The following OPN3 variants were observed in gnomAD, a reference collection of about 807,000 sequenced individuals.
OPN3 encodes opsin-3.
In OPN3, 29 loss-of-function variants were observed where a neutral mutation model predicts 33.8. The observed-to-expected ratio is 0.86, with a 90% CI of 0.64 to 1.17. The LOEUF is 1.17. Ranked by LOEUF, OPN3 falls within the 50% of genes most tolerant of loss-of-function variation. OPN3 has a pLI of 0.00. For missense variants in OPN3, 437 were observed against 514.1 expected (o/e 0.85, Z 1.45); for synonymous variants, 216 against 216.1 (o/e 1.00, Z 0.00).
chr1:241,639,869 C>T lies in OPN3; in HGVS notation c.373+13G>A, dbSNP rs777604266. Reference sequence around the variant, plus strand: ...TTGCAGAGGGGAGGCTGCCTTCTCCCAGTCCAACTCACCGAAGAGGCTGCC... The same window carrying T: ...TTGCAGAGGGGAGGCTGCCTTCTCCTAGTCCAACTCACCGAAGAGGCTGCC... On this transcript the variant is annotated intron_variant, in intron 1 of 3. Coordinates refer to ENST00000366554, the MANE Select transcript of OPN3 (RefSeq NM_014322.3). The T allele has an allele frequency of 1.3e-6, 2 of 1,537,830 alleles. No homozygotes were observed. The highest frequency in any genetic ancestry group is 5.0e-5 in the East Asian group (2 of 40,158).
chr1:241,620,751 G>A (rs774062293), intron 1 of OPN3, among the ~76,000 whole-genome samples: 8 of 151,712 alleles, frequency 5.3e-5, no homozygotes, highest in Admixed American at 2.0e-4. Context: ...TTTCTCATAC[G>A]AAGTCTTGGA....
intron 2 of OPN3, among the ~76,000 whole-genome samples, chr1:241,599,685 T>A (rs1440984674): frequency 6.6e-6 from 1 of 152,130 alleles, no homozygotes; most frequent in African/African-American, 2.4e-5. Context: ...TGATAAAAGG[T>A]CTAGATTTGG....
chr1:241,617,670 A>G (rs1664169784), intron 1 of OPN3, among the ~76,000 whole-genome samples: 2 of 152,246 alleles, frequency 1.3e-5, no homozygotes, highest in African/African-American at 4.8e-5. Context: ...TTCTCTCAAG[A>G]ATGAATATCA....
intron 1 of OPN3, chr1:241,634,915 AAAGAC>A: frequency 6.2e-7 from 1 of 1,611,316 alleles, no homozygotes. Flanking sequence ...CCTTGCTATT[AAAGAC>A]ATCTGCTCTG....
intron 1 of OPN3, among the ~76,000 whole-genome samples, chr1:241,624,556 C>T (rs1378503500): frequency 6.6e-6 from 1 of 152,196 alleles, no homozygotes; most frequent in Non-Finnish European, 1.5e-5. Context: ...GTTAATTGTG[C>T]ATCAATGTCA....
At chr1:241,602,950 A>G (rs889158154) in intron 2 of OPN3, among the ~76,000 whole-genome samples, 24 of 152,230 alleles carry the variant, frequency 1.6e-4, no homozygotes, top group African/African-American at 5.3e-4. Flanking sequence ...AGAGTCACCA[A>G]TGGTTCTTTG....
At chr1:241,630,232 A>C (rs1474184506) in intron 1 of OPN3, 1 of 152,022 alleles carries the variant, frequency 6.6e-6, no homozygotes, top group Non-Finnish European at 1.5e-5. Flanking sequence ...GGTTTTCAAA[A>C]AAACTCCCCA....
chr1:241,625,561 G>C (rs1664396828), intron 1 of OPN3, among the ~76,000 whole-genome samples: 1 of 152,134 alleles, frequency 6.6e-6, no homozygotes, highest in African/African-American at 2.4e-5. Flanking sequence ...AACTGGGGCA[G>C]GATGAAAAAT....
intron 1 of OPN3, among the ~76,000 whole-genome samples, chr1:241,606,706 A>G (rs1209052651): frequency 6.6e-6 from 1 of 152,202 alleles, no homozygotes; most frequent in Non-Finnish European, 1.5e-5. Flanking sequence ...TAAAATCGTG[A>G]GCTTCCTGGA....
At chr1:241,630,839 GT>G (rs1398855400) in intron 1 of OPN3, 2 of 151,978 alleles carry the variant, frequency 1.3e-5, no homozygotes, top group East Asian at 3.8e-4. Flanking sequence ...TTTACTATTT[GT>G]TCTTTTGATG....
At chr1:241,604,628 G>A (rs632966) in intron 1 of OPN3, 49 bp from the exon 2 acceptor site, 1,434,854 of 1,517,600 alleles carry the variant, frequency 0.95, 679,122 homozygotes, top group Middle Eastern at 0.97. Flanking sequence ...GGGGGAAACC[G>A]GGCATAAGAG....
chr1:241,600,632 C>T (rs534727340), intron 2 of OPN3: 23 of 152,302 alleles, frequency 1.5e-4, no homozygotes, highest in African/African-American at 5.3e-4. Flanking sequence ...ATGTCTCCAT[C>T]GTTGTTATGA....
rs751577713 is a variant in OPN3 at position 241,604,361 on chromosome 1, T to C, written c.592A>G (p.Asn198Asp). ...AAGAAAAGCACAAAGGAGGAATCGT[T>C]GGCATCCTTGGATTTCCAGTCCACA... ...CTVDWKSKDA[N>D]DSSFVLFLFL... is the part of the protein sequence containing the mutation. The change falls in exon 2 of 4, where the codon AAC (asparagine) becomes GAC (aspartate). Residue 198 changes from asparagine (N) to aspartate (D), a missense_variant. Transcript: ENST00000366554. The C allele has an allele frequency of 6.2e-7, 1 of 1,614,186 alleles. No individual in the cohort carries two copies. Among genetic ancestry groups the C allele is most frequent in the Non-Finnish European group, 8.5e-7 (1 of 1,180,028 alleles).
Position 241,604,245 on chromosome 1 carries a change from T to C in OPN3, c.693+15A>G, listed in dbSNP as rs2148000798. 6.2e-7 allele frequency: 1 copy of C among 1,607,828 alleles called. No individual in the cohort carries two copies. Among genetic ancestry groups the C allele is most frequent in the South Asian group, 1.1e-5 (1 of 90,576 alleles). On this transcript the variant is annotated intron_variant, in intron 2 of 3. Coordinates refer to ENST00000366554, the MANE Select transcript of OPN3 (RefSeq NM_014322.3). Reference sequence around the variant, plus strand: ...ATGTGGTTTGGGAGGGGGGCATCTGTAGTCTTCAACTCACCATTCGAATGG... The same window carrying C: ...ATGTGGTTTGGGAGGGGGGCATCTGCAGTCTTCAACTCACCATTCGAATGG...
Position 241,593,580 on chromosome 1 carries a change from G to A in OPN3, c.*848C>T. On this transcript the variant is annotated 3_prime_UTR_variant, in exon 4 of 4. Transcript: ENST00000366554. ...TACCCACTTTAGGTTCCTTGGCTGGGGCCCCTATAACAAAAGACAGATTGA... is the reference window on the plus strand; with the variant it reads ...TACCCACTTTAGGTTCCTTGGCTGGAGCCCCTATAACAAAAGACAGATTGA... The A allele has an allele frequency of 8.6e-6, 2 of 232,870 alleles. No individual in the cohort carries two copies. Among genetic ancestry groups the A allele is most frequent in the East Asian group, 8.5e-5 (1 of 11,706 alleles). 14.4% of individuals were successfully genotyped at this position (232,870 alleles called of 1,614,324 possible).
intron 1 of OPN3, chr1:241,615,976 TG>T (rs1664114450): frequency 2.2e-6 from 1 of 456,530 alleles, no homozygotes; most frequent in Non-Finnish European, 4.4e-6. Context: ...GGAGCAGAGT[TG>T]GACCAATGGC....
Position 241,593,636 on chromosome 1 carries a change from G to A in OPN3, c.*792C>T, listed in dbSNP as rs575504304. On this transcript the variant is annotated 3_prime_UTR_variant, in exon 4 of 4. Coordinates refer to ENST00000366554, the MANE Select transcript of OPN3 (RefSeq NM_014322.3). ...GAAAAACAAACATAAATTTATTAGC[G>A]GGTATATGTAATATATATGTGGGAA... 17 of 217,144 alleles carry A rather than the reference G, an allele frequency of 7.8e-5. No individual in the cohort carries two copies. The East Asian group carries it at 1.1e-3, about 13-fold the overall frequency. 13.5% of individuals were successfully genotyped at this position (217,144 alleles called of 1,614,324 possible). A position where few individuals can be genotyped will look rare whatever the true frequency, so the allele number is the denominator to read the frequency against.
At chr1:241,621,028 C>CA (rs1664259475) in intron 1 of OPN3, among the ~76,000 whole-genome samples, 1 of 152,120 alleles carries the variant, frequency 6.6e-6, no homozygotes. Flanking sequence ...TGCTTGGATT[C>CA]ACCTTAAATC....
At chr1:241,606,868 C>T (rs1288764176) in intron 1 of OPN3, among the ~76,000 whole-genome samples, 2 of 152,114 alleles carry the variant, frequency 1.3e-5, no homozygotes, top group African/African-American at 4.8e-5. Flanking sequence ...AGTCCCAGCT[C>T]CCCACGAAAT....
Sources: gnomAD v4.1 joint callset for allele counts (sites outside exome capture counted in the v4.1 genomes callset) on GRCh38, gnomAD v4.1.1 for gene constraint, MANE v1.5 for transcripts, NCBI Gene and HGNC (gene_info 2026-07-23, HGNC 2026-07-21) for gene names.